The following PCDH9 variants were observed in gnomAD, a reference collection of about 807,000 sequenced individuals.
PCDH9 encodes protocadherin-9.
PCDH9 carries 24 observed loss-of-function variants against 70.6 expected under a neutral mutation model. The ratio of observed to expected loss-of-function variants is 0.34; its 90% CI spans 0.25 to 0.48. The LOEUF is 0.48. PCDH9 is among the 20% of genes least tolerant of loss of function. PCDH9 has a pLI of 0.99. For missense variants in PCDH9, 1,281 were observed against 1,503.6 expected (o/e 0.85, Z 2.45); for synonymous variants, 562 against 558.5 (o/e 1.01, Z -0.09).
In PCDH9 at chr13:67,226,566, T is replaced by C; in HGVS notation, c.1875A>G (p.Gly625=). The change falls in exon 2 of 5, where the codon GGA becomes GGG. Residue 625 remains glycine, a synonymous_variant. Coordinates refer to ENST00000377865, the MANE Select transcript of PCDH9 (RefSeq NM_203487.3). This position sits in a 1 kb window ranked among gnomAD's most constrained non-coding sequence, Gnocchi z 5.0. ...NDNFVLDPYS[G]VIKSNVSFDR... is the part of the protein sequence containing the mutation. The stretch of plus-strand genomic sequence containing the variant: ...CAAATGAGACATTTGACTTTATGAC[T>C]CCAGAATAGGGATCCAACACAAAAT... 1 of 1,613,602 alleles carries C rather than the reference T, an allele frequency of 6.2e-7. No individual in the cohort carries two copies. The highest frequency in any genetic ancestry group is 8.5e-7 in the Non-Finnish European group (1 of 1,179,600).
chr13:67,047,917 G>C lies in PCDH9; in HGVS notation c.3037-144312C>G, dbSNP rs921919701. On this transcript the variant is annotated intron_variant, in intron 2 of 4. Transcript: ENST00000377865. Reference sequence around the variant, plus strand: ...CAGTTTATCTACCAACAAAAGTACAGTGCAATTTATGAACCGGATTTCCTT... The same window carrying C: ...CAGTTTATCTACCAACAAAAGTACACTGCAATTTATGAACCGGATTTCCTT... 4.6e-5 allele frequency among the ~76,000 whole-genome samples: 7 copies of C among 152,262 alleles called. No homozygotes were observed. In the South Asian group the frequency reaches 1.0e-3, roughly 23 times the overall value.
chr13:66,631,459 A>G (rs778495000), intron 3 of PCDH9, 48 bp from the exon 4 acceptor site: 10 of 1,106,014 alleles, frequency 9.0e-6, no homozygotes, highest in Non-Finnish European at 9.7e-6. Context: ...CTCTCAAATA[A>G]AACAGGCCTA....
chr13:66,340,073 G>GT (rs1355287227), intron 4 of PCDH9, among the ~76,000 whole-genome samples: 1 of 152,040 alleles, frequency 6.6e-6, no homozygotes, highest in Non-Finnish European at 1.5e-5. Flanking sequence ...GTTAACCATT[G>GT]TTTTCCTCAA....
intron 4 of PCDH9, among the ~76,000 whole-genome samples, chr13:66,575,838 A>AT (rs1216466751): frequency 5.3e-5 from 8 of 150,834 alleles, no homozygotes; most frequent in South Asian, 4.2e-4. Flanking sequence ...ATGCTATGTT[A>AT]TTTTTTACCA....
intron 4 of PCDH9, among the ~76,000 whole-genome samples, chr13:66,416,345 T>C (rs1358613757): frequency 6.8e-6 from 1 of 146,568 alleles, no homozygotes; most frequent in Non-Finnish European, 1.5e-5. Context: ...AAAGAAAAAA[T>C]AACCTTAAGA....
intron 4 of PCDH9, among the ~76,000 whole-genome samples, chr13:66,514,730 C>T (rs906543145): frequency 4.6e-5 from 7 of 152,100 alleles, no homozygotes; most frequent in Middle Eastern, 3.4e-3. Context: ...GAAGAGGTTG[C>T]TATTTACAGG....
intron 3 of PCDH9, among the ~76,000 whole-genome samples, chr13:66,811,215 T>A (rs1285700619): frequency 6.6e-6 from 1 of 152,158 alleles, no homozygotes; most frequent in East Asian, 1.9e-4. Context: ...CACAGCCTCT[T>A]GAGTCTTGTA....
intron 4 of PCDH9, among the ~76,000 whole-genome samples, chr13:66,596,460 A>C (rs2077103920): frequency 6.6e-6 from 1 of 151,742 alleles, no homozygotes; most frequent in Non-Finnish European, 1.5e-5. Context: ...ATAAGAATGC[A>C]TGTACATATA....
rs549062955 is a variant in PCDH9 at position 66,699,237 on chromosome 13, T to G, written c.3139-67826A>C. Among the ~76,000 whole-genome samples the G allele has an allele frequency of 5.3e-5, 8 of 152,094 alleles. No homozygotes were observed. In the South Asian group the frequency reaches 1.5e-3, roughly 28 times the overall value. On this transcript the variant is annotated intron_variant, in intron 3 of 4. Transcript: ENST00000377865. Reference sequence around the variant, plus strand: ...CCCCAATTCCCATTTTAAAATGAGTTTTTAATTAGCACAACAGGAAATAAT... The same window carrying G: ...CCCCAATTCCCATTTTAAAATGAGTGTTTAATTAGCACAACAGGAAATAAT...
At chr13:66,822,171 C>G (rs558238747) in intron 3 of PCDH9, among the ~76,000 whole-genome samples, 1 of 147,204 alleles carries the variant, frequency 6.8e-6, no homozygotes, top group Non-Finnish European at 1.5e-5. Context: ...CATATATAGA[C>G]ATAACTACTA....
At chr13:66,592,532 A>G (rs956752845) in intron 4 of PCDH9, among the ~76,000 whole-genome samples, 1 of 151,756 alleles carries the variant, frequency 6.6e-6, no homozygotes, top group Non-Finnish European at 1.5e-5. Context: ...CTCAAAAACA[A>G]TCGCGTTTAC....
chr13:67,006,041 A>G (rs2084345601), intron 2 of PCDH9, among the ~76,000 whole-genome samples: 1 of 152,182 alleles, frequency 6.6e-6, no homozygotes. Context: ...CCTGGCTAAC[A>G]CGGTGAAACC....
chr13:66,681,027 CTA>C lies in PCDH9; in HGVS notation c.3139-49618_3139-49617del, dbSNP rs539262501. Among the ~76,000 whole-genome samples, 430 of 152,136 alleles carry C rather than the reference CTA, an allele frequency of 2.8e-3. 6 individuals are homozygous for C. The highest frequency in any genetic ancestry group is 3.2e-3 in the Non-Finnish European group (218 of 67,950). ...AGATATAACTACCCTTATTCAAATTCTATGTCTAGTTATTCCATCATCATAAA... is the reference window on the plus strand; with the variant it reads ...AGATATAACTACCCTTATTCAAATTCTGTCTAGTTATTCCATCATCATAAA... On this transcript the variant is annotated intron_variant, in intron 3 of 4. Coordinates refer to ENST00000377865, the MANE Select transcript of PCDH9 (RefSeq NM_203487.3).
chr13:66,787,597 CAG>C (rs570480538), intron 3 of PCDH9, among the ~76,000 whole-genome samples: 9 of 151,782 alleles, frequency 5.9e-5, no homozygotes, highest in Middle Eastern at 6.8e-3. Flanking sequence ...GGCTGGGTGA[CAG>C]AGCAATACTC....
At chr13:66,468,028 CCCTATCATCT>C (rs1307341222) in intron 4 of PCDH9, among the ~76,000 whole-genome samples, 1 of 151,964 alleles carries the variant, frequency 6.6e-6, no homozygotes, top group Non-Finnish European at 1.5e-5. Flanking sequence ...TGTATTGCTG[CCCTATCATCT>C]CCTGATTTGT....
At chr13:66,874,327 T>C (rs988061872) in intron 3 of PCDH9, among the ~76,000 whole-genome samples, 9 of 152,222 alleles carry the variant, frequency 5.9e-5, no homozygotes, top group African/African-American at 1.7e-4. Flanking sequence ...TTTACATTTT[T>C]CTTTGGCTCT....
At chr13:66,946,458 C>T (rs927853090) in intron 2 of PCDH9, among the ~76,000 whole-genome samples, 11 of 151,944 alleles carry the variant, frequency 7.2e-5, no homozygotes, top group African/African-American at 2.7e-4. Context: ...TTGCTTGAGG[C>T]CAAGAGTACA....
At chr13:66,885,907 C>T (rs1407497414) in intron 3 of PCDH9, 1 of 152,122 alleles carries the variant, frequency 6.6e-6, no homozygotes, top group African/African-American at 2.4e-5. Flanking sequence ...GATATCTCTG[C>T]TAGATTTTTC....
At chr13:66,729,863 G>T (rs1416418851) in intron 3 of PCDH9, among the ~76,000 whole-genome samples, 1 of 152,088 alleles carries the variant, frequency 6.6e-6, no homozygotes, top group African/African-American at 2.4e-5. Flanking sequence ...ATCACAATGT[G>T]CTAAGTCAGA....
Sources: gnomAD v4.1 joint callset for allele counts (sites outside exome capture counted in the v4.1 genomes callset) on GRCh38, gnomAD v4.1.1 for gene constraint, Gnocchi (gnomAD v3.1) non-coding constraint, MANE v1.5 for transcripts, NCBI Gene and HGNC (gene_info 2026-07-23, HGNC 2026-07-21) for gene names.